The following MALRD1 variants were observed in gnomAD, a reference collection of about 807,000 sequenced individuals.
MALRD1 encodes the protein MAM and LDL receptor class A domain containing 1.
In MALRD1, 247 loss-of-function variants were observed where a neutral mutation model predicts 242.1. The observed-to-expected ratio is 1.02, with a 90% CI of 0.92 to 1.13. The LOEUF (loss-of-function observed/expected upper bound fraction) is 1.13. Among genes scored for constraint, MALRD1 ranks in the 50% most tolerant of loss-of-function variants. MALRD1 has a pLI of 0.00. For missense variants in MALRD1, 2,989 were observed against 2,533.1 expected (o/e 1.18, Z -3.86); for synonymous variants, 995 against 866.6 (o/e 1.15, Z -2.60).
At chr10:19,693,199 A>G (rs1833190209) in intron 38 of MALRD1, among the ~76,000 whole-genome samples, 1 of 151,898 alleles carries the variant, frequency 6.6e-6, no homozygotes, top group African/African-American at 2.4e-5. Context: ...ACTCCTATTC[A>G]ACATAGTGTT....
At chr10:19,340,856 C>T (rs934248110) in intron 24 of MALRD1, among the ~76,000 whole-genome samples, 35 of 152,082 alleles carry the variant, frequency 2.3e-4, no homozygotes, top group African/African-American at 8.4e-4. Context: ...GTCTAGAGAG[C>T]ATCAGCATCT....
intron 12 of MALRD1, among the ~76,000 whole-genome samples, chr10:19,163,252 CT>C (rs1834519202): frequency 2.7e-5 from 4 of 150,204 alleles, no homozygotes; most frequent in Admixed American, 2.0e-4. Flanking sequence ...TGGAATCCAC[CT>C]AGATGCCCAG....
chr10:19,370,052 C>A (rs926674409), intron 26 of MALRD1, among the ~76,000 whole-genome samples: 1 of 152,006 alleles, frequency 6.6e-6, no homozygotes, highest in Non-Finnish European at 1.5e-5. Context: ...TACATATAGG[C>A]CTCTGATTCA....
chr10:19,276,730 C>T (rs183226026), intron 19 of MALRD1, among the ~76,000 whole-genome samples: 10 of 152,084 alleles, frequency 6.6e-5, no homozygotes, highest in African/African-American at 2.2e-4. Flanking sequence ...ATAACTTTGA[C>T]CTCTAATTGA....
At chr10:19,639,428 T>A (rs1840288668) in intron 36 of MALRD1, among the ~76,000 whole-genome samples, 1 of 152,206 alleles carries the variant, frequency 6.6e-6, no homozygotes, top group Non-Finnish European at 1.5e-5. Flanking sequence ...CACGTGGAGA[T>A]GCCATACCCT....
Position 19,136,758 on chromosome 10 carries a change from G to A in MALRD1, c.1388G>A (p.Ser463Asn), listed in dbSNP as rs1018414675. The change falls in exon 10 of 40, where the codon AGT (serine) becomes AAT (asparagine). Residue 463 changes from serine (S) to asparagine (N), a missense_variant. Transcript: ENST00000454679. The stretch of plus-strand genomic sequence containing the variant: ...TCTCGGCAGGACTGCTCCGATGAGA[G>A]TGATGAAGACCCAGCAACTTGCTGT... ...CDSRQDCSDE[S>N]DEDPATCSKH... The A allele has an allele frequency of 8.1e-7, 1 of 1,231,566 alleles. No individual in the cohort carries two copies. Among genetic ancestry groups the A allele is most frequent in the African/African-American group, 1.6e-5 (1 of 64,412 alleles). 76.3% of individuals were successfully genotyped at this position (1,231,566 alleles called of 1,614,324 possible). A position where few individuals can be genotyped will look rare whatever the true frequency, so the allele number is the denominator to read the frequency against.
At chr10:19,516,892 A>G (rs1029058559) in intron 31 of MALRD1, among the ~76,000 whole-genome samples, 3 of 152,176 alleles carry the variant, frequency 2.0e-5, no homozygotes, top group African/African-American at 7.2e-5. Context: ...TTAAAGTCAC[A>G]GAGCTTAAAC....
At chr10:19,095,125 A>C (rs187961689) in intron 4 of MALRD1, among the ~76,000 whole-genome samples, 20 of 152,308 alleles carry the variant, frequency 1.3e-4, no homozygotes, top group African/African-American at 4.8e-4. Context: ...TAGATTTAGC[A>C]CTTGCTTAAA....
chr10:19,585,127 G>A (rs778316249), intron 33 of MALRD1, among the ~76,000 whole-genome samples: 14 of 152,084 alleles, frequency 9.2e-5, no homozygotes, highest in East Asian at 1.9e-4. Context: ...GTCTCTGCTC[G>A]TGAGATGCGT....
At chr10:19,171,580 A>ATG (rs1834947608) in intron 13 of MALRD1, among the ~76,000 whole-genome samples, 1 of 137,096 alleles carries the variant, frequency 7.3e-6, no homozygotes, top group East Asian at 2.1e-4. Flanking sequence ...ACACATATAT[A>ATG]TGTCTATGTG....
At chr10:19,391,228 A>G (rs1404741986) in intron 28 of MALRD1, among the ~76,000 whole-genome samples, 1 of 152,194 alleles carries the variant, frequency 6.6e-6, no homozygotes, top group Non-Finnish European at 1.5e-5. Flanking sequence ...TACTGTGCAC[A>G]CACACAAACA....
At chr10:19,448,387 A>G (rs867674576) in intron 28 of MALRD1, among the ~76,000 whole-genome samples, 2 of 152,310 alleles carry the variant, frequency 1.3e-5, no homozygotes, top group South Asian at 2.1e-4. Flanking sequence ...CCCAGGACCA[A>G]GGAATATTAA....
intron 2 of MALRD1, among the ~76,000 whole-genome samples, chr10:19,084,120 A>G (rs565178701): frequency 6.6e-6 from 1 of 152,096 alleles, no homozygotes; most frequent in Admixed American, 6.6e-5. Flanking sequence ...TTACTATTTT[A>G]GGGTATTCTT....
chr10:19,097,342 GA>G lies in MALRD1; in HGVS notation c.598-6629del, dbSNP rs945031388. 1.1e-3 allele frequency among the ~76,000 whole-genome samples: 169 copies of G among 151,808 alleles called. 1 individual carries two copies. Among genetic ancestry groups the G allele is most frequent in the Non-Finnish European group, 1.5e-5 (1 of 67,900 alleles). ...TTACAGGGGTTTAGAATACATAGCG[GA>G]AAAAAAAGCCCAACCTCTAGTTTGG... On this transcript the variant is annotated intron_variant, in intron 4 of 39. Transcript: ENST00000454679.
chr10:19,704,934 C>T (rs1354368488), intron 38 of MALRD1, among the ~76,000 whole-genome samples: 3 of 152,010 alleles, frequency 2.0e-5, no homozygotes, highest in Non-Finnish European at 4.4e-5. Context: ...GTGACTTGAA[C>T]CCAGGAGTTC....
chr10:19,646,982 A>G (rs1840688633), intron 36 of MALRD1, among the ~76,000 whole-genome samples: 1 of 152,174 alleles, frequency 6.6e-6, no homozygotes, highest in South Asian at 2.1e-4. Context: ...AATTGAGCAG[A>G]CAGGAGAAAG....
chr10:19,489,028 G>C (rs750182276), intron 29 of MALRD1: 3 of 456,876 alleles, frequency 6.6e-6, no homozygotes, highest in African/African-American at 6.0e-5. Flanking sequence ...CCCGCCAGGG[G>C]TCTCAGCAGC....
At chr10:19,693,101 A>C (rs998480578) in intron 38 of MALRD1, among the ~76,000 whole-genome samples, 3 of 151,862 alleles carry the variant, frequency 2.0e-5, no homozygotes, top group Admixed American at 2.0e-4. Context: ...ATTTATGACA[A>C]ACCCACAGCC....
intron 36 of MALRD1, among the ~76,000 whole-genome samples, chr10:19,675,027 C>G (rs1842079924): frequency 6.6e-6 from 1 of 151,894 alleles, no homozygotes; most frequent in Non-Finnish European, 1.5e-5. Context: ...CCTGTTTGAA[C>G]AAAGAGGGAA....
Sources: allele counts gnomAD v4.1 joint callset (sites outside exome capture counted in the v4.1 genomes callset), GRCh38; gene constraint gnomAD v4.1.1; transcripts MANE v1.5; gene names NCBI Gene and HGNC (gene_info 2026-07-23, HGNC 2026-07-21).